Variants in DOCK3 observed in about 807,000 individuals in gnomAD.
DOCK3 encodes the protein dedicator of cytokinesis 3, also known as dedicator of cytokinesis protein 3.
DOCK3 carries 60 observed loss-of-function variants against 265.6 expected under a neutral mutation model. That is an observed-to-expected ratio of 0.23 (90% CI 0.18 to 0.28). The LOEUF is 0.28. Among genes scored for constraint, DOCK3 ranks in the 10% least tolerant of loss-of-function variants. The pLI, the probability that DOCK3 is intolerant of heterozygous loss-of-function variation, is 1.00. For synonymous variants in DOCK3, 881 were observed against 938.0 expected (o/e 0.94, Z 1.11); for missense variants, 1,981 against 2,594.3 (o/e 0.76, Z 5.14).
chr3:50,992,602 GTTGT>G (rs371835672), intron 5 of DOCK3, among the ~76,000 whole-genome samples: 14 of 152,148 alleles, frequency 9.2e-5, no homozygotes, highest in Admixed American at 2.0e-4. Context: ...CAGCCCAGGA[GTTGT>G]TTGTTTGTTT....
chr3:50,854,052 C>G (rs1176261793), intron 3 of DOCK3, among the ~76,000 whole-genome samples: 1 of 151,972 alleles, frequency 6.6e-6, no homozygotes, highest in Admixed American at 6.6e-5. Flanking sequence ...ATTTGCTTTT[C>G]CCTGATGAAT....
intron 12 of DOCK3, among the ~76,000 whole-genome samples, chr3:51,200,842 A>G (rs1442848305): frequency 6.6e-6 from 1 of 152,226 alleles, no homozygotes; most frequent in Non-Finnish European, 1.5e-5. Context: ...GAAACTCTAC[A>G]AGCCAGAAGA....
chr3:51,097,046 C>G (rs550080040), intron 9 of DOCK3, among the ~76,000 whole-genome samples: 1 of 152,304 alleles, frequency 6.6e-6, no homozygotes, highest in South Asian at 2.1e-4. Flanking sequence ...TCTGTCGACC[C>G]CTGCTGGGAG....
At chr3:51,249,230 C>A (rs1356991405) in intron 22 of DOCK3, among the ~76,000 whole-genome samples, 1 of 138,184 alleles carries the variant, frequency 7.2e-6, no homozygotes, top group African/African-American at 2.8e-5. Context: ...CGGCCAGCCG[C>A]CCTGTCCGGG....
At chr3:50,809,820 A>C (rs191487864) in intron 2 of DOCK3, among the ~76,000 whole-genome samples, 103 of 152,320 alleles carry the variant, frequency 6.8e-4, no homozygotes, top group African/African-American at 2.3e-3. Flanking sequence ...TTTGTGTACA[A>C]AAAGGACAGA....
intron 5 of DOCK3, among the ~76,000 whole-genome samples, chr3:51,017,381 A>G (rs1009058836): frequency 4.0e-5 from 6 of 150,986 alleles, no homozygotes; most frequent in East Asian, 1.9e-4. Context: ...GATCTTTATT[A>G]TTTCTTTTCA....
chr3:51,382,325 TG>T lies in DOCK3; in HGVS notation c.*768del, dbSNP rs2110660485. 6.6e-6 allele frequency: 1 copy of T among 152,620 alleles called. No homozygotes were observed. Among genetic ancestry groups the T allele is most frequent in the African/African-American group, 2.4e-5 (1 of 41,596 alleles). The allele number at this position is 152,620 out of a possible 1,614,324, so 9.5% of individuals were successfully genotyped here. A position where few individuals can be genotyped will look rare whatever the true frequency, so the allele number is the denominator to read the frequency against. ...GCCCCACAGGAGCCCCAGTGGTGAC[TG>T]GATCTGCAAGGGTTATCTCCCGCCC... is the stretch of plus-strand genomic sequence containing the variant. On this transcript the variant is annotated 3_prime_UTR_variant, in exon 53 of 53. Coordinates refer to ENST00000266037, the MANE Select transcript of DOCK3 (RefSeq NM_004947.5).
chr3:51,279,725 A>G lies in DOCK3; in HGVS notation c.2824-381A>G, dbSNP rs180810274. Among the ~76,000 whole-genome samples the G allele has an allele frequency of 1.8e-4, 28 of 152,270 alleles. No individual in the cohort carries two copies. The East Asian group carries it at 5.2e-3, about 28-fold the overall frequency. ...AGTCCAGCAGGATCGGCAGAGTCCA[A>G]ATTCTGTCCAGAGAGGGTTAAGCTC... On this transcript the variant is annotated intron_variant, in intron 26 of 52. Coordinates refer to ENST00000266037, the MANE Select transcript of DOCK3 (RefSeq NM_004947.5).
intron 11 of DOCK3, 56 bp from the exon 12 acceptor site, chr3:51,160,499 T>C (rs1342247751): frequency 2.9e-5 from 45 of 1,537,162 alleles, no homozygotes; most frequent in Non-Finnish European, 3.6e-5. Context: ...AATTAGGTGA[T>C]ACTGGAGAGG....
At chr3:51,226,313 C>T (rs761480865) in intron 15 of DOCK3, among the ~76,000 whole-genome samples, 5 of 152,134 alleles carry the variant, frequency 3.3e-5, no homozygotes, top group African/African-American at 4.8e-5. Flanking sequence ...TTTTCTGTTG[C>T]ATGTGAGTTT....
intron 9 of DOCK3, among the ~76,000 whole-genome samples, chr3:51,094,348 C>T (rs183097072): frequency 2.6e-5 from 4 of 152,206 alleles, no homozygotes; most frequent in Admixed American, 6.5e-5. Flanking sequence ...CATTTCAGAA[C>T]TTGTTGTTGG....
chr3:51,012,470 G>A (rs779221552), intron 5 of DOCK3, among the ~76,000 whole-genome samples: 3 of 152,146 alleles, frequency 2.0e-5, no homozygotes, highest in Non-Finnish European at 4.4e-5. Flanking sequence ...TAATCTCCTC[G>A]TGTCCGTTTG....
At chr3:51,285,068 A>C (rs2081335377) in intron 27 of DOCK3, among the ~76,000 whole-genome samples, 1 of 152,168 alleles carries the variant, frequency 6.6e-6, no homozygotes, top group Non-Finnish European at 1.5e-5. Context: ...TCTGGCTCCT[A>C]AGTTGTCAGT....
At chr3:50,696,681 G>T (rs2035640958) in intron 1 of DOCK3, among the ~76,000 whole-genome samples, 1 of 152,078 alleles carries the variant, frequency 6.6e-6, no homozygotes, top group African/African-American at 2.4e-5. Context: ...ACTTTTTTGG[G>T]GGTGGGGTGG....
intron 38 of DOCK3, 24 bp from the exon 39 acceptor site, chr3:51,348,828 G>A: frequency 6.4e-7 from 1 of 1,557,956 alleles, no homozygotes; most frequent in Non-Finnish European, 8.7e-7. Context: ...AGATGCTGAA[G>A]CCCTGTTTCT....
intron 5 of DOCK3, among the ~76,000 whole-genome samples, chr3:50,947,262 C>T (rs1034156135): frequency 9.9e-5 from 15 of 152,080 alleles, no homozygotes; most frequent in African/African-American, 3.6e-4. Context: ...ATAGCTTTCA[C>T]ACCAGACATA....
Position 51,138,105 on chromosome 3 carries a change from A to G in DOCK3, c.747-8444A>G, listed in dbSNP as rs1034344513. 7.9e-5 allele frequency among the ~76,000 whole-genome samples: 12 copies of G among 152,370 alleles called. No individual in the cohort carries two copies. In the South Asian group the frequency reaches 2.3e-3, roughly 29 times the overall value. On this transcript the variant is annotated intron_variant, in intron 9 of 52. Transcript: ENST00000266037. The stretch of plus-strand genomic sequence containing the variant: ...CACCTGTCCCCTTAATTCTTAAAAC[A>G]TATACCACCATTTTAAGCCTCTGAA...
chr3:51,069,953 G>T (rs148684233), intron 6 of DOCK3, among the ~76,000 whole-genome samples: 1 of 152,200 alleles, frequency 6.6e-6, no homozygotes, highest in African/African-American at 2.4e-5. Flanking sequence ...ACAGTTAACG[G>T]TTCTTCCCGT....
chr3:50,978,635 G>C (rs1413191804), intron 5 of DOCK3, among the ~76,000 whole-genome samples: 1 of 152,184 alleles, frequency 6.6e-6, no homozygotes, highest in Non-Finnish European at 1.5e-5. Context: ...GGAGCCTACA[G>C]AGGCAGGCAG....
Sources: allele counts gnomAD v4.1 joint callset (sites outside exome capture counted in the v4.1 genomes callset), GRCh38; gene constraint gnomAD v4.1.1; transcripts MANE v1.5; gene names NCBI Gene and HGNC (gene_info 2026-07-23, HGNC 2026-07-21).